The following RANBP2 variants were observed in gnomAD, a reference collection of about 807,000 sequenced individuals.
RANBP2 encodes E3 SUMO-protein ligase RanBP2.
In RANBP2, 57 loss-of-function variants were observed where a neutral mutation model predicts 303.6. That is an observed-to-expected ratio of 0.19 (90% CI 0.15 to 0.23). The LOEUF is 0.23. Ranked by LOEUF, RANBP2 falls within the 10% of genes least tolerant of loss-of-function variation. RANBP2 has a pLI of 1.00. For missense variants in RANBP2, 3,138 were observed against 3,780.8 expected, an observed-to-expected ratio of 0.83 and a Z score of 4.46; for synonymous variants, 1,167 against 1,301.5, an observed-to-expected ratio of 0.90 and a Z score of 2.23.
At chr2:109,684,538 C>CCT in the RANBP2 span, among the ~76,000 whole-genome samples, 1 of 135,838 alleles carries the variant, frequency 7.4e-6, no homozygotes, top group Admixed American at 7.5e-5. Flanking sequence ...TGCACCCGGG[C>CCT]TTTTTTTTTT....
the RANBP2 span, among the ~76,000 whole-genome samples, chr2:108,938,470 A>G: frequency 5.9e-5 from 9 of 152,250 alleles, no homozygotes; most frequent in Admixed American, 3.9e-4. Flanking sequence ...GGTGCTCTGC[A>G]CTCTTGGAGG....
chr2:109,503,507 A>C, the RANBP2 span: 1 of 152,196 alleles, frequency 6.6e-6, no homozygotes, highest in African/African-American at 2.4e-5. Context: ...AAGAAGAAAA[A>C]GTCTGGCTTA....
At chr2:109,614,677 T>G in the RANBP2 span, 4 of 1,485,918 alleles carry the variant, frequency 2.7e-6, no homozygotes, top group Non-Finnish European at 3.6e-6. Flanking sequence ...GTGAACGCCG[T>G]GGCCACTGTG....
chr2:109,327,690 A>G, the RANBP2 span, among the ~76,000 whole-genome samples: 1 of 152,230 alleles, frequency 6.6e-6, no homozygotes, highest in South Asian at 2.1e-4. Context: ...GGAAATGTAC[A>G]TGTTTGGTTA....
chr2:109,020,139 T>C, the RANBP2 span, among the ~76,000 whole-genome samples: 4 of 152,188 alleles, frequency 2.6e-5, no homozygotes, highest in African/African-American at 9.7e-5. Flanking sequence ...GGAATGAGTG[T>C]TCTAATGGGA....
the RANBP2 span, among the ~76,000 whole-genome samples, chr2:108,796,306 T>G: frequency 7.3e-5 from 11 of 151,550 alleles, no homozygotes; most frequent in African/African-American, 2.7e-4. Context: ...CGCCCGCCTC[T>G]GCCTCCCAAA....
chr2:109,556,440 G>T, the RANBP2 span, among the ~76,000 whole-genome samples: 2 of 152,092 alleles, frequency 1.3e-5, no homozygotes, highest in African/African-American at 4.8e-5. Context: ...TCAAAGAAAC[G>T]CAGAGTAAGA....
At chr2:109,647,240 T>C in the RANBP2 span, among the ~76,000 whole-genome samples, 2 of 140,620 alleles carry the variant, frequency 1.4e-5, no homozygotes, top group African/African-American at 5.2e-5. Flanking sequence ...CTTGGCTCAC[T>C]GCAACCTCCA....
chr2:108,798,515 CATGAAA>C, the RANBP2 span: 1 of 1,613,774 alleles, frequency 6.2e-7, no homozygotes, highest in Non-Finnish European at 8.5e-7. Flanking sequence ...GCTTTTCAGA[CATGAAA>C]ATGCCTTGAG....
rs1390771046 is a variant in RANBP2 at position 108,731,322 on chromosome 2, C to T, written c.253C>T (p.Arg85Cys). Residue 85 changes from arginine to cysteine, a missense_variant and splice_region_variant, in exon 4 of 29, where the codon CGT becomes TGT. Physicochemically the swap from Arg to Cys is radical, Grantham distance 180. Around this residue, in one of 20 missense-constraint regions of RANBP2, gnomAD observed 306 missense variants for 381.9 expected, o/e 0.80. Transcript: ENST00000283195. ...TCTTTAATTTCTTTTCTGATATTAG[C>T]GTTCAGTGGAATTAAACCCAACACA... ...NTDKAVECYR[R>C]SVELNPTQKD... The T allele has an allele frequency of 5.6e-6, 9 of 1,610,588 alleles. No homozygotes were observed. Among genetic ancestry groups the T allele is most frequent in the Admixed American group, 1.7e-5 (1 of 59,886 alleles).
chr2:109,081,942 C>T, the RANBP2 span, among the ~76,000 whole-genome samples: 4 of 152,208 alleles, frequency 2.6e-5, no homozygotes, highest in East Asian at 1.9e-4. Context: ...TCTTCATCTC[C>T]GTATTTGTCC....
chr2:109,413,371 C>G, the RANBP2 span, among the ~76,000 whole-genome samples: 1 of 152,208 alleles, frequency 6.6e-6, no homozygotes, highest in Non-Finnish European at 1.5e-5. Flanking sequence ...GCCTTGGCCT[C>G]CCAAAGTTCT....
chr2:109,063,603 A>G, the RANBP2 span, among the ~76,000 whole-genome samples: 1 of 152,186 alleles, frequency 6.6e-6, no homozygotes, highest in Non-Finnish European at 1.5e-5. Flanking sequence ...CATTGGAACA[A>G]ACAGCTCGAA....
the RANBP2 span, among the ~76,000 whole-genome samples, chr2:109,220,608 A>G: frequency 1.3e-5 from 2 of 152,358 alleles, no homozygotes; most frequent in African/African-American, 4.8e-5. Context: ...AAATGGGTCA[A>G]GGTTTTCAGT....
chr2:108,749,110 T>C lies in RANBP2; in HGVS notation c.1254T>C (p.Asp418=). The C allele has an allele frequency of 6.2e-7, 1 of 1,611,970 alleles. No individual in the cohort carries two copies. Among genetic ancestry groups the C allele is most frequent in the Non-Finnish European group, 8.5e-7 (1 of 1,179,850 alleles). ...NIDVREPELE[D]LTRYDVGAIR... is the part of the protein sequence containing the mutation. ...ATGTACGAGAACCAGAGCTTGAAGATTTGACTAGATACGATGTTGGTAAGT... is the reference window on the plus strand; with the variant it reads ...ATGTACGAGAACCAGAGCTTGAAGACTTGACTAGATACGATGTTGGTAAGT... Residue 418 remains aspartate (D), a synonymous_variant, in exon 9 of 29, where the codon GAT becomes GAC. Transcript: ENST00000283195.
the RANBP2 span, among the ~76,000 whole-genome samples, chr2:109,702,019 G>A: frequency 3.3e-5 from 5 of 152,242 alleles, no homozygotes; most frequent in Non-Finnish European, 1.5e-5. Context: ...TGACCTGAGG[G>A]ATCCCCAGAA....
chr2:109,225,530 A>G, the RANBP2 span, among the ~76,000 whole-genome samples: 1 of 152,326 alleles, frequency 6.6e-6, no homozygotes, highest in East Asian at 1.9e-4. Context: ...CACCATGTGG[A>G]GTTTTCTCCT....
At chr2:109,162,372 C>T in the RANBP2 span, among the ~76,000 whole-genome samples, 3 of 152,118 alleles carry the variant, frequency 2.0e-5, no homozygotes, top group East Asian at 1.9e-4. Context: ...CATTTTTCCC[C>T]TCTTAGGGCT....
the RANBP2 span, among the ~76,000 whole-genome samples, chr2:109,267,511 T>C: frequency 6.6e-6 from 1 of 152,178 alleles, no homozygotes; most frequent in South Asian, 2.1e-4. Flanking sequence ...AAAGTCTTTG[T>C]GCTTGCTTCT....
Sources: gnomAD v4.1 joint callset for allele counts (sites outside exome capture counted in the v4.1 genomes callset) on GRCh38, gnomAD v4.1.1 for gene constraint, gnomAD v4.1.1 regional missense constraint, MANE v1.5 for transcripts, NCBI Gene and HGNC (gene_info 2026-07-23, HGNC 2026-07-21) for gene names.